The following ACOT11 variants were observed in gnomAD, a reference collection of about 807,000 sequenced individuals.
ACOT11 encodes the protein acyl-CoA thioesterase 11.
ACOT11 carries 69 observed loss-of-function variants against 77.5 expected under a neutral mutation model. The ratio of observed to expected loss-of-function variants is 0.89; its 90% CI spans 0.73 to 1.09. ACOT11 has a LOEUF of 1.09. Ranked by LOEUF, ACOT11 falls within the 50% of genes least tolerant of loss-of-function variation. The pLI is 0.00. For synonymous variants in ACOT11, 279 were observed against 313.0 expected, an observed-to-expected ratio of 0.89 and a Z score of 1.15; for missense variants, 766 against 813.7, an observed-to-expected ratio of 0.94 and a Z score of 0.71.
At chr1:54,591,114 G>T in intron 3 of ACOT11, among the ~76,000 whole-genome samples, 1 of 152,100 alleles carries the variant, frequency 6.6e-6, no homozygotes. Flanking sequence ...TGCTTCATCC[G>T]TCACTATGTC....
rs60472182 is a variant in ACOT11, at chr1:54,590,666, T to G, written c.312-1880T>G. On this transcript the variant is annotated intron_variant, in intron 3 of 15. Transcript: ENST00000343744. ...CTTTCAAACATATAGAAAAGTTGAA[T>G]AGTACAATGGTCACCACCACTGAGA... Among the ~76,000 whole-genome samples the G allele has an allele frequency of 3.0e-3, 456 of 152,356 alleles. 13 individuals are homozygous for G. In the East Asian group the frequency reaches 0.059, roughly 20 times the overall value.
At chr1:54,568,251 A>G (rs1331762933) in intron 1 of ACOT11, among the ~76,000 whole-genome samples, 1 of 151,240 alleles carries the variant, frequency 6.6e-6, no homozygotes, top group African/African-American at 2.4e-5. Flanking sequence ...TTTCTGTTAC[A>G]TCCCGTTTTT....
At chr1:54,553,937 G>A (rs1653160280) in intron 1 of ACOT11, among the ~76,000 whole-genome samples, 1 of 152,126 alleles carries the variant, frequency 6.6e-6, no homozygotes, top group Non-Finnish European at 1.5e-5. Context: ...ACTTCGGGAG[G>A]CTGAGATGGG....
chr1:54,633,630 A>C (rs1009630232), intron 16 of ACOT11, among the ~76,000 whole-genome samples: 1 of 152,238 alleles, frequency 6.6e-6, no homozygotes, highest in African/African-American at 2.4e-5. Flanking sequence ...TGCCAGACAT[A>C]TGTGGGGCAA....
chr1:54,555,705 G>T (rs557273220), intron 1 of ACOT11, among the ~76,000 whole-genome samples: 1 of 151,960 alleles, frequency 6.6e-6, no homozygotes, highest in South Asian at 2.1e-4. Flanking sequence ...TTTGTAGTTT[G>T]GGGGTCGTAC....
rs368091028 is a variant in ACOT11 at position 54,548,309 on chromosome 1, G to A, written c.-1G>A. 19 of 1,598,220 alleles carry A rather than the reference G, an allele frequency of 1.2e-5. No individual in the cohort carries two copies. The highest frequency in any genetic ancestry group is 3.4e-5 in the South Asian group (3 of 87,760). On this transcript the variant is annotated 5_prime_UTR_variant, in exon 1 of 16. Coordinates refer to ENST00000343744, the MANE Select transcript of ACOT11 (RefSeq NM_147161.4). ...GCTGCTTTCCCCGGCCACCCGGCGCGATGATCCAGAATGTCGGAAATCACC... is the reference window on the plus strand; with the variant it reads ...GCTGCTTTCCCCGGCCACCCGGCGCAATGATCCAGAATGTCGGAAATCACC...
At chr1:54,550,030 T>C (rs1653007877) in intron 1 of ACOT11, among the ~76,000 whole-genome samples, 1 of 152,234 alleles carries the variant, frequency 6.6e-6, no homozygotes, top group East Asian at 1.9e-4. Flanking sequence ...CATTCAGTTC[T>C]CTATGAGGTA....
At position 54,602,681 on chromosome 1, in the gene ACOT11, C is replaced by T. The variant is rs139751558; in HGVS notation, c.1042C>T (p.Arg348Trp). The part of the protein sequence containing the change: ...IRPQPGDGER[R>W]YREASARKKI... ...ACTTCCTCCCCAGGATGGTGAGCGG[C>T]GGTACCGAGAGGCCAGTGCCAGAAA... is the stretch of plus-strand genomic sequence containing the variant. The change falls in exon 10 of 16, where the codon CGG (arginine) becomes TGG (tryptophan). Residue 348 changes from arginine to tryptophan, a missense_variant. Coordinates refer to ENST00000343744, the MANE Select transcript of ACOT11 (RefSeq NM_147161.4). 698 of 1,550,668 alleles carry T rather than the reference C, an allele frequency of 4.5e-4. 4 individuals carry two copies. In the East Asian group the frequency reaches 0.014, roughly 31 times the overall value.
chr1:54,602,733 G>C lies in ACOT11; in HGVS notation c.1085+9G>C. 5 of 1,534,176 alleles carry C rather than the reference G, an allele frequency of 3.3e-6. No individual in the cohort carries two copies. The highest frequency in any genetic ancestry group is 4.4e-6 in the Non-Finnish European group (5 of 1,141,452). On this transcript the variant is annotated intron_variant, in intron 10 of 15. Transcript: ENST00000343744. ...AAGATCCGCCTGGACAGGTGAGTAG[G>C]GGCTGAGTGGTGGGCAGAATGTGGA...
At chr1:54,573,256 C>G in intron 1 of ACOT11, 6 of 985,244 alleles carry the variant, frequency 6.1e-6, no homozygotes, top group Non-Finnish European at 7.2e-6. Flanking sequence ...GCAGTCTTAG[C>G]TTTTGCGGTA....
chr1:54,563,705 T>G (rs947847253), intron 1 of ACOT11, among the ~76,000 whole-genome samples: 2 of 151,792 alleles, frequency 1.3e-5, no homozygotes, highest in Non-Finnish European at 2.9e-5. Flanking sequence ...GGAGGATCCC[T>G]TGAGCCCAGG....
rs1654834802 is a variant in ACOT11, at chr1:54,594,699, G to A, written c.607+8G>A. 3 of 1,605,760 alleles carry A rather than the reference G, an allele frequency of 1.9e-6. No individual in the cohort carries two copies. The highest frequency in any genetic ancestry group is 1.3e-5 in the African/African-American group (1 of 74,894). On this transcript the variant is annotated splice_region_variant and intron_variant, in intron 6 of 15. Coordinates refer to ENST00000343744, the MANE Select transcript of ACOT11 (RefSeq NM_147161.4). ...ACTGCGCCATTCAGGGCGGTGAGCA[G>A]CTGCCAGCTGTGCATGGGGAGGGTA... is the stretch of plus-strand genomic sequence containing the variant.
At chr1:54,593,626 A>T (rs1014023186) in intron 4 of ACOT11, among the ~76,000 whole-genome samples, 1 of 152,108 alleles carries the variant, frequency 6.6e-6, no homozygotes, top group Non-Finnish European at 1.5e-5. Flanking sequence ...TTCTGCCTGT[A>T]TGAAGCCCTG....
At chr1:54,599,533 A>C in intron 8 of ACOT11, 118 bp downstream of exon 8, 2 of 1,138,112 alleles carry the variant, frequency 1.8e-6, no homozygotes, top group East Asian at 3.2e-5. Context: ...CAGGGTCTAA[A>C]TCCCTGCCTG....
chr1:54,635,360 T>C (rs1644325467), exon 17 of ACOT11: 8 of 282,744 alleles, frequency 2.8e-5, no homozygotes, highest in South Asian at 2.7e-4. Flanking sequence ...CAAAAGTTCC[T>C]ATTATCTGGA....
At chr1:54,583,152 G>A (rs1034298871) in intron 1 of ACOT11, among the ~76,000 whole-genome samples, 5 of 152,190 alleles carry the variant, frequency 3.3e-5, no homozygotes, top group Non-Finnish European at 5.9e-5. Flanking sequence ...AAGCCAGGCA[G>A]CCTGGCACCC....
chr1:54,555,874 A>G (rs1196273213), intron 1 of ACOT11, among the ~76,000 whole-genome samples: 1 of 152,026 alleles, frequency 6.6e-6, no homozygotes, highest in Non-Finnish European at 1.5e-5. Flanking sequence ...CAGCCTCCCA[A>G]GTAGCTGGGA....
chr1:54,572,906 T>G, intron 1 of ACOT11: 1 of 984,934 alleles, frequency 1.0e-6, no homozygotes, highest in Non-Finnish European at 1.2e-6. Flanking sequence ...GAACCTGAGG[T>G]TTCCTCCCAC....
At chr1:54,551,032 C>T (rs1232313042) in intron 1 of ACOT11, among the ~76,000 whole-genome samples, 1 of 148,670 alleles carries the variant, frequency 6.7e-6, no homozygotes, top group Non-Finnish European at 1.5e-5. Context: ...CCCAGCTACT[C>T]GGGATGCCGA....
Sources: gnomAD v4.1 joint callset for allele counts (sites outside exome capture counted in the v4.1 genomes callset) on GRCh38, gnomAD v4.1.1 for gene constraint, MANE v1.5 for transcripts, NCBI Gene and HGNC (gene_info 2026-07-23, HGNC 2026-07-21) for gene names.